Variants in TRIP4 observed in about 807,000 individuals in gnomAD.
TRIP4 encodes the protein thyroid hormone receptor interactor 4.
In TRIP4, 54 loss-of-function variants were observed where a neutral mutation model predicts 81.8. The observed-to-expected ratio is 0.66, with a 90% CI of 0.53 to 0.83. The LOEUF is 0.83. TRIP4 is among the 40% of genes least tolerant of loss of function. The pLI, the probability that TRIP4 is intolerant of heterozygous loss-of-function variation, is 0.00. For missense variants in TRIP4, 662 were observed against 683.6 expected, an observed-to-expected ratio of 0.97 and a Z score of 0.35; for synonymous variants, 270 against 242.8, an observed-to-expected ratio of 1.11 and a Z score of -1.04.
At position 64,409,782 on chromosome 15, in the gene TRIP4, A is replaced by G. The variant is rs748682086; in HGVS notation, c.997A>G (p.Arg333Gly). The G allele has an allele frequency of 1.2e-6, 2 of 1,614,228 alleles. No homozygotes were observed. Among genetic ancestry groups the G allele is most frequent in the Admixed American group, 3.3e-5 (2 of 60,024 alleles). Residue 333 changes from arginine (R) to glycine (G), a missense_variant, in exon 7 of 13, where the codon AGG becomes GGG. Arg to Gly is a moderately radical substitution (Grantham distance 125, BLOSUM62 -2). Coordinates refer to ENST00000261884, the MANE Select transcript of TRIP4 (RefSeq NM_016213.5). ...SKKVTIDFAG[R>G]KILEEENSLA... ...GAAGGTCACCATTGACTTTGCAGGA[A>G]GGAAGATCCTGGAAGAAGAAAATTC...
rs1566981702 is a variant in TRIP4 at position 64,431,849 on chromosome 15, T to TATATATATA, written c.1575+6218_1575+6219insATATATATA. Among the ~76,000 whole-genome samples the TATATATATA allele has an allele frequency of 3.7e-3, 299 of 81,408 alleles. 3 individuals are homozygous for TATATATATA. Among genetic ancestry groups the TATATATATA allele is most frequent in the African/African-American group, 0.012 (288 of 24,746 alleles). The allele number at this position is 81,408 out of a possible 152,430, so 53.4% of individuals were successfully genotyped here. ...ATTTATATTATATATATATATATATTTTTTTTATCCAAAGAGCATTGTGTT... is the reference window on the plus strand; with the variant it reads ...ATTTATATTATATATATATATATATTATATATATATTTTTTATCCAAAGAGCATTGTGTT... On this transcript the variant is annotated intron_variant, in intron 11 of 12. Coordinates refer to ENST00000261884, the MANE Select transcript of TRIP4 (RefSeq NM_016213.5).
At chr15:64,395,372 G>A (rs774249023) in intron 2 of TRIP4, 26 bp from the exon 3 acceptor site, 12 of 1,570,726 alleles carry the variant, frequency 7.6e-6, no homozygotes, top group Non-Finnish European at 1.0e-5. Context: ...GTGTGTGTGT[G>A]TATTTTTTTT....
intron 12 of TRIP4, among the ~76,000 whole-genome samples, chr15:64,453,745 T>C (rs1406349752): frequency 6.6e-6 from 1 of 151,974 alleles, no homozygotes; most frequent in East Asian, 1.9e-4. Context: ...GAGAGAGAGA[T>C]AAACAGACAA....
intron 8 of TRIP4, among the ~76,000 whole-genome samples, chr15:64,417,250 G>A (rs1181682863): frequency 6.6e-6 from 1 of 152,042 alleles, no homozygotes; most frequent in Admixed American, 6.6e-5. Flanking sequence ...GGGCTCAAGC[G>A]ATCCTCCTGC....
intron 3 of TRIP4, among the ~76,000 whole-genome samples, chr15:64,396,860 C>T (rs1312591029): frequency 6.6e-6 from 1 of 152,168 alleles, no homozygotes; most frequent in African/African-American, 2.4e-5. Flanking sequence ...GCAGTCCTGC[C>T]AGCAGTGTAT....
At position 64,431,163 on chromosome 15, in the gene TRIP4, G is replaced by A. The variant is rs190216986; in HGVS notation, c.1575+5532G>A. Among the ~76,000 whole-genome samples, 533 of 152,200 alleles carry A rather than the reference G, an allele frequency of 3.5e-3. 5 individuals carry two copies. Among genetic ancestry groups the A allele is most frequent in the Non-Finnish European group, 6.5e-3 (442 of 68,008 alleles). ...CAAACCAGGCACTGGAATTCAAAAT[G>A]CAGTCCACAAATTCTCTTTTAAAAT... On this transcript the variant is annotated intron_variant, in intron 11 of 12. Transcript: ENST00000261884.
intron 11 of TRIP4, among the ~76,000 whole-genome samples, chr15:64,430,410 A>C (rs556554744): frequency 2.4e-4 from 36 of 152,380 alleles, no homozygotes; most frequent in African/African-American, 8.4e-4. Flanking sequence ...TGCCAGCAGC[A>C]GATGTAAGCT....
chr15:64,428,860 C>T (rs1311219549), intron 11 of TRIP4, among the ~76,000 whole-genome samples: 1 of 152,014 alleles, frequency 6.6e-6, no homozygotes, highest in East Asian at 1.9e-4. Context: ...GATACACCCG[C>T]ATTGACCTCC....
intron 3 of TRIP4, among the ~76,000 whole-genome samples, chr15:64,396,142 C>G (rs1900286564): frequency 6.6e-6 from 1 of 151,914 alleles, no homozygotes; most frequent in African/African-American, 2.4e-5. Flanking sequence ...CTGCTGAGCT[C>G]AGGCAATCCA....
Position 64,445,024 on chromosome 15 carries a change from G to A in TRIP4, c.1594G>A (p.Glu532Lys). The A allele has an allele frequency of 6.3e-7, 1 of 1,584,236 alleles. No individual in the cohort carries two copies. The highest frequency in any genetic ancestry group is 8.6e-7 in the Non-Finnish European group (1 of 1,156,568). Residue 532 changes from glutamate to lysine, a missense_variant, in exon 12 of 13, where the codon GAG (glutamate) becomes AAG (lysine). By Grantham distance (56) the Glu-to-Lys change is moderately conservative. Transcript: ENST00000261884. ...FKEQFPDISQ[E>K]SDSPFVFICK... ...TTCACAGTTTCCAGACATCAGTCAA[G>A]AGTCTGATTCTCCATTTGTTTTCAT...
At chr15:64,391,261 A>G (rs1281457061) in intron 1 of TRIP4, among the ~76,000 whole-genome samples, 2 of 151,778 alleles carry the variant, frequency 1.3e-5, no homozygotes, top group Admixed American at 6.6e-5. Context: ...GGTTCAAGCA[A>G]TTCTCCTGCC....
chr15:64,426,686 T>TC (rs1331614770), intron 11 of TRIP4, among the ~76,000 whole-genome samples: 1 of 72,316 alleles, frequency 1.4e-5, no homozygotes, highest in African/African-American at 5.6e-5. Context: ...GGCGACAGAG[T>TC]GAGACTCTGT....
intron 1 of TRIP4, among the ~76,000 whole-genome samples, chr15:64,392,653 G>A (rs1487203168): frequency 1.3e-5 from 2 of 152,000 alleles, no homozygotes; most frequent in African/African-American, 4.8e-5. Flanking sequence ...GTCTCATTCT[G>A]TTGCTCAGGC....
rs191385763 is a variant in TRIP4, at chr15:64,392,112, T to C, written c.102-1834T>C. Among the ~76,000 whole-genome samples the C allele has an allele frequency of 2.9e-3, 418 of 146,310 alleles. 2 individuals are homozygous for C. Among genetic ancestry groups the C allele is most frequent in the African/African-American group, 9.9e-3 (393 of 39,712 alleles). ...CAACATAGTGAAACCCCGTCTCTAC[T>C]AAAAAAAAGCAAAAACAAAACAAAA... is the stretch of plus-strand genomic sequence containing the variant. On this transcript the variant is annotated intron_variant, in intron 1 of 12. Transcript: ENST00000261884.
intron 12 of TRIP4, among the ~76,000 whole-genome samples, chr15:64,445,525 C>G (rs1365657865): frequency 2.0e-5 from 3 of 151,354 alleles, no homozygotes; most frequent in African/African-American, 7.3e-5. Flanking sequence ...GCCTGTAGCA[C>G]CTGTAGTGCC....
intron 6 of TRIP4, among the ~76,000 whole-genome samples, chr15:64,408,830 A>G (rs1891694038): frequency 6.6e-6 from 1 of 152,062 alleles, no homozygotes; most frequent in Non-Finnish European, 1.5e-5. Context: ...TAATTGTCAT[A>G]TTTTGGAACT....
rs770120239 is a variant in TRIP4 at position 64,395,455 on chromosome 15, G to A, written c.329G>A (p.Arg110Lys). Reference sequence around the variant, plus strand: ...CTAAAGCGGGGTAGGAAGAAAGGGAGAAACAGACAGGAAGTTCCTGCATTT... The same window carrying A: ...CTAAAGCGGGGTAGGAAGAAAGGGAAAAACAGACAGGAAGTTCCTGCATTT... The part of the protein sequence containing the change: ...DHLKRGRKKG[R>K]NRQEVPAFTE... Residue 110 changes from arginine to lysine, a missense_variant, in exon 3 of 13, where the codon AGA becomes AAA. Coordinates refer to ENST00000261884, the MANE Select transcript of TRIP4 (RefSeq NM_016213.5). The A allele has an allele frequency of 1.9e-6, 3 of 1,613,796 alleles. No homozygotes were observed. Among genetic ancestry groups the A allele is most frequent in the Non-Finnish European group, 1.7e-6 (2 of 1,179,882 alleles).
intron 12 of TRIP4, among the ~76,000 whole-genome samples, chr15:64,454,603 A>G (rs1262823337): frequency 6.6e-6 from 1 of 152,008 alleles, no homozygotes; most frequent in Non-Finnish European, 1.5e-5. Context: ...AGGTTCATGC[A>G]TTATGCTCAG....
chr15:64,403,062 C>A (rs1891547148), intron 5 of TRIP4, among the ~76,000 whole-genome samples: 1 of 151,870 alleles, frequency 6.6e-6, no homozygotes, highest in Non-Finnish European at 1.5e-5. Context: ...CGGTGTTTCA[C>A]TGTGTTAGCC....
Sources: allele counts gnomAD v4.1 joint callset (sites outside exome capture counted in the v4.1 genomes callset), GRCh38; gene constraint gnomAD v4.1.1; transcripts MANE v1.5; gene names NCBI Gene and HGNC (gene_info 2026-07-23, HGNC 2026-07-21).